Variants in SPSB4 observed in about 807,000 individuals in gnomAD.
SPSB4 encodes splA/ryanodine receptor domain and SOCS box containing 4.
In SPSB4, 21 loss-of-function variants were observed where a neutral mutation model predicts 20.9. The observed-to-expected ratio is 1.01, with a 90% CI of 0.71 to 1.45. The LOEUF (loss-of-function observed/expected upper bound fraction) is 1.45. Among genes scored for constraint, SPSB4 ranks in the 40% most tolerant of loss-of-function variants. The probability of loss-of-function intolerance (pLI) is 0.00; values close to 1 mark genes in which losing one functional copy is unlikely to be tolerated. For synonymous variants in SPSB4, 207 were observed against 183.8 expected, an observed-to-expected ratio of 1.13 and a Z score of -1.02; for missense variants, 399 against 399.2, an observed-to-expected ratio of 1.00 and a Z score of 0.00.
At chr3:141,132,461 C>T (rs569469235) in intron 2 of SPSB4, among the ~76,000 whole-genome samples, 1 of 152,308 alleles carries the variant, frequency 6.6e-6, no homozygotes, top group African/African-American at 2.4e-5. Context: ...CCACCGTACC[C>T]AGCTTTTATG....
Position 141,065,933 on chromosome 3 carries a change from G to A in SPSB4, c.-153-19G>A. ...TGCTGATGCTGCTGCTATAACCCGT[G>A]CCCTTTGCTTCCTTCCAGGAGCTTG... On this transcript the variant is annotated intron_variant, in intron 1 of 2. Coordinates refer to ENST00000310546, the MANE Select transcript of SPSB4 (RefSeq NM_080862.3). The A allele has an allele frequency of 1.8e-6, 1 of 564,006 alleles. No homozygotes were observed. The highest frequency in any genetic ancestry group is 2.0e-5 in the African/African-American group (1 of 49,642). 34.9% of individuals were successfully genotyped at this position (564,006 alleles called of 1,614,324 possible).
intron 2 of SPSB4, among the ~76,000 whole-genome samples, chr3:141,083,535 C>T (rs2107787980): frequency 6.6e-6 from 1 of 152,228 alleles, no homozygotes; most frequent in South Asian, 2.1e-4. Context: ...CTCCACCTCC[C>T]CCAGCAGAGG....
intron 2 of SPSB4, among the ~76,000 whole-genome samples, chr3:141,098,795 G>T (rs1218757434): frequency 6.6e-6 from 1 of 152,136 alleles, no homozygotes; most frequent in Non-Finnish European, 1.5e-5. Context: ...TAGTGGTGTT[G>T]GTGGGTGTCT....
chr3:141,118,707 AT>A (rs1366401131), intron 2 of SPSB4, among the ~76,000 whole-genome samples: 1 of 152,184 alleles, frequency 6.6e-6, no homozygotes, highest in Non-Finnish European at 1.5e-5. Context: ...CTTTCTACAT[AT>A]GGCTAGCCAG....
At chr3:141,086,999 G>A (rs1041782063) in intron 2 of SPSB4, among the ~76,000 whole-genome samples, 4 of 152,198 alleles carry the variant, frequency 2.6e-5, no homozygotes, top group African/African-American at 9.6e-5. Flanking sequence ...AGCAGGCCCT[G>A]CGTTTAAGAG....
At chr3:141,070,965 A>C (rs1937991601) in intron 2 of SPSB4, among the ~76,000 whole-genome samples, 1 of 152,190 alleles carries the variant, frequency 6.6e-6, no homozygotes, top group African/African-American at 2.4e-5. Flanking sequence ...TTCAGCAGTG[A>C]GTCTGGGCGA....
In SPSB4 at chr3:141,056,095, CCAGGAGGAGG is replaced by C. The variant is rs148862717; in HGVS notation, c.-154+4109_-154+4118del. ...TGGGGTAGGCAGGAAGACATTGGAG[CCAGGAGGAGG>C]CAGGAAAGCTGCTGTGGTAAGCTCT... On this transcript the variant is annotated intron_variant, in intron 1 of 2. Coordinates refer to ENST00000310546, the MANE Select transcript of SPSB4 (RefSeq NM_080862.3). 2.9e-3 allele frequency among the ~76,000 whole-genome samples: 441 copies of C among 152,310 alleles called. 3 individuals carry two copies. Among genetic ancestry groups the C allele is most frequent in the East Asian group, 0.02 (104 of 5,184 alleles).
At chr3:141,082,639 C>G (rs1012590729) in intron 2 of SPSB4, among the ~76,000 whole-genome samples, 6 of 151,974 alleles carry the variant, frequency 3.9e-5, no homozygotes, top group Non-Finnish European at 7.4e-5. Flanking sequence ...ATCTATCTAT[C>G]TATCTATCTA....
At chr3:141,103,536 G>C (rs1225071228) in intron 2 of SPSB4, among the ~76,000 whole-genome samples, 1 of 152,214 alleles carries the variant, frequency 6.6e-6, no homozygotes, top group Non-Finnish European at 1.5e-5. Flanking sequence ...GTATATTAAA[G>C]AAAGGTCTTC....
chr3:141,118,465 C>A (rs111441111), intron 2 of SPSB4, among the ~76,000 whole-genome samples: 2,067 of 152,238 alleles, frequency 0.014, 41 homozygotes, highest in African/African-American at 0.047. Flanking sequence ...ATGATAGGTT[C>A]TTTTGCTGTG....
At chr3:141,107,229 A>G (rs974640458) in intron 2 of SPSB4, among the ~76,000 whole-genome samples, 1 of 152,230 alleles carries the variant, frequency 6.6e-6, no homozygotes, top group Non-Finnish European at 1.5e-5. Context: ...TGGAGGCAAA[A>G]CCATCAGAAA....
In SPSB4 at chr3:141,147,129, C is replaced by T. The variant is rs555089627; in HGVS notation, c.695-13C>T. The T allele has an allele frequency of 2.5e-6, 4 of 1,613,690 alleles. No individual in the cohort carries two copies. Among genetic ancestry groups the T allele is most frequent in the Non-Finnish European group, 2.5e-6 (3 of 1,179,986 alleles). ...GCACAGGGCACACTCTAACTGCTTC[C>T]CTCTCATTGCAGCCGAGCCCCTGCC... On this transcript the variant is annotated splice_polypyrimidine_tract_variant and intron_variant, in intron 2 of 2. Coordinates refer to ENST00000310546, the MANE Select transcript of SPSB4 (RefSeq NM_080862.3).
chr3:141,130,511 G>T (rs1053763246), intron 2 of SPSB4, among the ~76,000 whole-genome samples: 5 of 152,204 alleles, frequency 3.3e-5, no homozygotes, highest in Admixed American at 2.6e-4. Context: ...CAGCTTTCAG[G>T]GCTGTCACTC....
At chr3:141,077,152 C>G (rs574477998) in intron 2 of SPSB4, 28 of 152,334 alleles carry the variant, frequency 1.8e-4, no homozygotes, top group African/African-American at 6.5e-4. Flanking sequence ...AAAGGCTGTG[C>G]CGCTTAATGG....
rs572214301 is a variant in SPSB4, at chr3:141,056,005, A to T, written c.-154+4013A>T. ...AGATGCAGGTCATAAGAGAAGATGC[A>T]TGGAGAGAGAGAGTGAAAAGCGGAA... On this transcript the variant is annotated intron_variant, in intron 1 of 2. Coordinates refer to ENST00000310546, the MANE Select transcript of SPSB4 (RefSeq NM_080862.3). Among the ~76,000 whole-genome samples the T allele has an allele frequency of 5.3e-5, 8 of 152,310 alleles. No homozygotes were observed. The South Asian group carries it at 1.7e-3, about 32-fold the overall frequency.
intron 2 of SPSB4, among the ~76,000 whole-genome samples, chr3:141,145,606 T>C (rs1939400097): frequency 6.6e-6 from 1 of 152,198 alleles, no homozygotes; most frequent in African/African-American, 2.4e-5. Context: ...TCAACAGTTT[T>C]GTTGTATCTT....
intron 2 of SPSB4, among the ~76,000 whole-genome samples, chr3:141,075,714 A>G (rs1484984353): frequency 2.6e-5 from 4 of 151,840 alleles, no homozygotes; most frequent in Non-Finnish European, 5.9e-5. Flanking sequence ...CCATCCACCC[A>G]TCTACCCGCC....
intron 2 of SPSB4, among the ~76,000 whole-genome samples, chr3:141,090,715 G>T (rs750173830): frequency 6.6e-6 from 1 of 152,174 alleles, no homozygotes; most frequent in African/African-American, 2.4e-5. Flanking sequence ...TGAGTGAGAC[G>T]GGGAGTCACT....
intron 1 of SPSB4, 44 bp downstream of exon 1, chr3:141,052,036 G>A (rs1936102239): frequency 6.5e-6 from 1 of 152,680 alleles, no homozygotes; most frequent in Admixed American, 6.5e-5. Flanking sequence ...CGGGGGCCGG[G>A]AGCCGAGATC....
Sources: allele counts gnomAD v4.1 joint callset (sites outside exome capture counted in the v4.1 genomes callset), GRCh38; gene constraint gnomAD v4.1.1; transcripts MANE v1.5; gene names NCBI Gene and HGNC (gene_info 2026-07-23, HGNC 2026-07-21).